The following ATL1 variants were observed in gnomAD, a reference collection of about 807,000 sequenced individuals.
The protein encoded by ATL1 is atlastin-1.
ATL1 carries 31 observed loss-of-function variants against 75.5 expected under a neutral mutation model. That is an observed-to-expected ratio of 0.41 (90% CI 0.31 to 0.55). ATL1 has a LOEUF of 0.55. Ranked by LOEUF, ATL1 falls within the 20% of genes least tolerant of loss-of-function variation. The pLI, the probability that ATL1 is intolerant of heterozygous loss-of-function variation, is 0.27. For synonymous variants in ATL1, 226 were observed against 233.3 expected (o/e 0.97, Z 0.28); for missense variants, 405 against 662.6 (o/e 0.61, Z 4.27).
At chr14:50,599,260 A>C (rs1424770263) in intron 6 of ATL1, among the ~76,000 whole-genome samples, 1 of 152,210 alleles carries the variant, frequency 6.6e-6, no homozygotes, top group Non-Finnish European at 1.5e-5. Flanking sequence ...ACAGGCAAAG[A>C]ATATTAATAG....
At chr14:50,628,524 G>C (rs1420380603) in intron 12 of ATL1, 62 bp downstream of exon 12, 2 of 1,515,482 alleles carry the variant, frequency 1.3e-6, no homozygotes, top group Non-Finnish European at 1.8e-6. Flanking sequence ...CCATGTGCCA[G>C]CCACTGCATT....
intron 1 of ATL1, among the ~76,000 whole-genome samples, chr14:50,585,892 G>A (rs545472644): frequency 1.4e-4 from 21 of 152,136 alleles, no homozygotes; most frequent in Non-Finnish European, 2.8e-4. Context: ...CGTGGCTATA[G>A]GCAATGGTCT....
intron 5 of ATL1, among the ~76,000 whole-genome samples, chr14:50,594,988 G>T (rs2039199151): frequency 7.6e-6 from 1 of 131,318 alleles, no homozygotes; most frequent in Admixed American, 8.6e-5. Flanking sequence ...GACAGAGTGA[G>T]ACCCTGTCTC....
chr14:50,592,688 G>A (rs1270332683), intron 4 of ATL1, among the ~76,000 whole-genome samples: 1 of 151,714 alleles, frequency 6.6e-6, no homozygotes, highest in South Asian at 2.1e-4. Context: ...GAGGCGGGCG[G>A]ATCACGAGGT....
intron 6 of ATL1, among the ~76,000 whole-genome samples, chr14:50,596,859 A>G (rs1177737579): frequency 6.6e-6 from 1 of 152,186 alleles, no homozygotes; most frequent in African/African-American, 2.4e-5. Context: ...ATATAGCCAT[A>G]AAAGTTTTAT....
intron 13 of ATL1, 128 bp from the exon 14 acceptor site, chr14:50,632,096 ATTTAT>A: frequency 1.7e-6 from 1 of 576,862 alleles, no homozygotes; most frequent in Non-Finnish European, 3.1e-6. Flanking sequence ...TAAGATAATA[ATTTAT>A]ATATCGATTA....
At chr14:50,618,873 G>A (rs895619610) in intron 8 of ATL1, among the ~76,000 whole-genome samples, 3 of 143,934 alleles carry the variant, frequency 2.1e-5, no homozygotes, top group African/African-American at 8.5e-5. Context: ...GTGTGTGTGT[G>A]TGTGTATATA....
intron 1 of ATL1, among the ~76,000 whole-genome samples, chr14:50,577,095 C>T (rs2140191038): frequency 6.6e-6 from 1 of 152,218 alleles, no homozygotes; most frequent in East Asian, 1.9e-4. Context: ...TGGAGTCTTG[C>T]TCTGTCGCCC....
At chr14:50,576,596 G>C (rs2039008299) in intron 1 of ATL1, among the ~76,000 whole-genome samples, 1 of 152,178 alleles carries the variant, frequency 6.6e-6, no homozygotes, top group South Asian at 2.1e-4. Context: ...AAATTTTAGA[G>C]ACAGGGTCTC....
At chr14:50,623,333 C>G (rs933600720) in intron 11 of ATL1, 85 bp downstream of exon 11, 3 of 1,069,184 alleles carry the variant, frequency 2.8e-6, no homozygotes, top group African/African-American at 1.6e-5. Flanking sequence ...CCATGTTACA[C>G]TGTACACACA....
intron 8 of ATL1, 45 bp from the exon 9 acceptor site, chr14:50,620,554 T>A (rs748763858): frequency 9.4e-6 from 15 of 1,588,104 alleles, no homozygotes; most frequent in Non-Finnish European, 1.2e-5. Flanking sequence ...CATGGAGGAC[T>A]GGGAAGGATT....
intron 6 of ATL1, among the ~76,000 whole-genome samples, chr14:50,597,229 AAAAAG>A (rs386381346): frequency 2.7e-5 from 4 of 149,942 alleles, no homozygotes; most frequent in African/African-American, 7.4e-5. Flanking sequence ...ACAAAAAAAA[AAAAAG>A]AAAAAAGAAA....
intron 6 of ATL1, among the ~76,000 whole-genome samples, chr14:50,596,675 T>TTA (rs1349338563): frequency 6.6e-6 from 1 of 152,200 alleles, no homozygotes; most frequent in East Asian, 1.9e-4. Context: ...AGTAAGAAAG[T>TTA]GCTCATTTTA....
intron 1 of ATL1, 80 bp from the exon 2 acceptor site, chr14:50,587,751 G>A: frequency 6.3e-7 from 1 of 1,577,892 alleles, no homozygotes. Flanking sequence ...TGTGTCGGAT[G>A]TTTGAGAGTT....
intron 1 of ATL1, among the ~76,000 whole-genome samples, chr14:50,543,766 G>A (rs796268863): frequency 6.6e-6 from 1 of 152,154 alleles, no homozygotes. Flanking sequence ...GGTAGGAGTG[G>A]CTCTTCTATT....
rs59534966 is a variant in ATL1 at position 50,572,138 on chromosome 14, C to T, written c.34+11839C>T. The T allele has an allele frequency of 4.7e-3, 1,939 of 410,924 alleles. 30 individuals are homozygous for T. The highest frequency in any genetic ancestry group is 0.037 in the African/African-American group (1,740 of 47,184). 25.5% of individuals were successfully genotyped at this position (410,924 alleles called of 1,614,324 possible). A position where few individuals can be genotyped will look rare whatever the true frequency, so the allele number is the denominator to read the frequency against. ...TTAAATCCAGAGGGTGAGCTTTGCTCATGGTGTCTTTTCCGTGGGCTTACA... is the reference window on the plus strand; with the variant it reads ...TTAAATCCAGAGGGTGAGCTTTGCTTATGGTGTCTTTTCCGTGGGCTTACA... On this transcript the variant is annotated intron_variant, in intron 1 of 13. Transcript: ENST00000358385.
chr14:50,591,083 G>A lies in ATL1; in HGVS notation c.417+8G>A. 3.1e-6 allele frequency: 5 copies of A among 1,612,148 alleles called. No homozygotes were observed. Among genetic ancestry groups the A allele is most frequent in the Non-Finnish European group, 4.2e-6 (5 of 1,179,012 alleles). Reference sequence around the variant, plus strand: ...AAACCTGATGGTAAAAAGGTATGATGCTAACTTCCTAAATAAAATTGAGTT... The same window carrying A: ...AAACCTGATGGTAAAAAGGTATGATACTAACTTCCTAAATAAAATTGAGTT... On this transcript the variant is annotated splice_region_variant and intron_variant, in intron 3 of 13. Coordinates refer to ENST00000358385, the MANE Select transcript of ATL1 (RefSeq NM_015915.5).
Position 50,632,449 on chromosome 14 carries a change from A to G in ATL1, c.*110A>G. 5 of 765,234 alleles carry G rather than the reference A, an allele frequency of 6.5e-6. No individual in the cohort carries two copies. The South Asian group carries it at 7.4e-5, about 11-fold the overall frequency. 47.4% of individuals were successfully genotyped at this position (765,234 alleles called of 1,614,324 possible). On this transcript the variant is annotated 3_prime_UTR_variant, in exon 14 of 14. Coordinates refer to ENST00000358385, the MANE Select transcript of ATL1 (RefSeq NM_015915.5). ...TCCATCAGAACGGAGTAAAATACTA[A>G]ACACCTCTGAAGACTGCAAACTGGA...
intron 8 of ATL1, among the ~76,000 whole-genome samples, chr14:50,615,652 C>T (rs1431067801): frequency 6.6e-6 from 1 of 152,180 alleles, no homozygotes; most frequent in Non-Finnish European, 1.5e-5. Flanking sequence ...CCTATAATTT[C>T]ACTGTCACAC....
Sources: allele counts gnomAD v4.1 joint callset (sites outside exome capture counted in the v4.1 genomes callset), GRCh38; gene constraint gnomAD v4.1.1; transcripts MANE v1.5; gene names NCBI Gene and HGNC (gene_info 2026-07-23, HGNC 2026-07-21).